Variants in NTM observed in about 807,000 individuals in gnomAD.
NTM encodes neurotrimin, also known as IgLON family member 2.
NTM carries 13 observed loss-of-function variants against 42.1 expected under a neutral mutation model. The ratio of observed to expected loss-of-function variants is 0.31; its 90% CI spans 0.20 to 0.49. The LOEUF (loss-of-function observed/expected upper bound fraction) is 0.49, where lower values mean the gene tolerates loss of function less well. Ranked by LOEUF, NTM falls within the 20% of genes least tolerant of loss-of-function variation. The pLI, the probability that NTM is intolerant of heterozygous loss-of-function variation, is 0.99. For missense variants in NTM, 373 were observed against 452.8 expected, an observed-to-expected ratio of 0.82 and a Z score of 1.60; for synonymous variants, 187 against 179.2, an observed-to-expected ratio of 1.04 and a Z score of -0.35.
chr11:132,187,549 C>T (rs1217324327), intron 3 of NTM, among the ~76,000 whole-genome samples: 1 of 152,162 alleles, frequency 6.6e-6, no homozygotes, highest in Non-Finnish European at 1.5e-5. Context: ...GGCTGAGGCT[C>T]CTCTGACAAA....
chr11:131,568,941 C>T (rs2057169638), intron 1 of NTM, among the ~76,000 whole-genome samples: 1 of 152,152 alleles, frequency 6.6e-6, no homozygotes, highest in Non-Finnish European at 1.5e-5. Flanking sequence ...ACATATCATT[C>T]ACCTGTTTGA....
chr11:131,754,100 G>A (rs1256433657), intron 1 of NTM, among the ~76,000 whole-genome samples: 1 of 141,004 alleles, frequency 7.1e-6, no homozygotes, highest in African/African-American at 2.7e-5. Flanking sequence ...CATGGACACA[G>A]GAAGGGGAAT....
rs576187269 is a variant in NTM at position 132,027,233 on chromosome 11, C to T, written c.167+115585C>T. Among the ~76,000 whole-genome samples, 12 of 152,240 alleles carry T rather than the reference C, an allele frequency of 7.9e-5. No individual in the cohort carries two copies. The South Asian group carries it at 2.1e-3, about 26-fold the overall frequency. ...TATATGAAATTTCAAGTTTCTTTGC[C>T]TTGGGCTGGAACTACAACAACTGAT... On this transcript the variant is annotated intron_variant, in intron 2 of 8. Transcript: ENST00000683400.
chr11:132,284,764 A>C, intron 4 of NTM: 1 of 152,720 alleles, frequency 6.5e-6, no homozygotes, highest in Non-Finnish European at 1.5e-5. Flanking sequence ...CTTCCCCGAC[A>C]GTGGCCTTGG....
chr11:132,284,503 CA>C (rs2094143067), intron 4 of NTM: 1 of 154,392 alleles, frequency 6.5e-6, no homozygotes, highest in African/African-American at 2.4e-5. Flanking sequence ...ACCCTGCTTC[CA>C]AATGCCCTCA....
At chr11:132,325,200 C>T (rs1399157531) in intron 7 of NTM, among the ~76,000 whole-genome samples, 1 of 151,946 alleles carries the variant, frequency 6.6e-6, no homozygotes, top group Admixed American at 6.6e-5. Flanking sequence ...AGCTTCTGCA[C>T]AGCAAAAGAA....
At chr11:131,715,429 C>T (rs1205925786) in intron 1 of NTM, among the ~76,000 whole-genome samples, 1 of 152,184 alleles carries the variant, frequency 6.6e-6, no homozygotes, top group Admixed American at 6.5e-5. Context: ...TTTCATCTGC[C>T]AATCACTGTT....
intron 2 of NTM, among the ~76,000 whole-genome samples, chr11:131,989,376 T>C (rs560767155): frequency 5.3e-5 from 8 of 152,334 alleles, no homozygotes; most frequent in Non-Finnish European, 1.2e-4. Context: ...TGTTTAATCA[T>C]GTTTGACTTA....
chr11:131,463,028 C>G (rs969805012), intron 1 of NTM, among the ~76,000 whole-genome samples: 1 of 152,168 alleles, frequency 6.6e-6, no homozygotes, highest in Admixed American at 6.5e-5. Flanking sequence ...ATCTTCTTTG[C>G]ATGCAGTGCA....
At chr11:131,417,478 G>A (rs1164236489) in intron 1 of NTM, among the ~76,000 whole-genome samples, 5 of 152,168 alleles carry the variant, frequency 3.3e-5, no homozygotes, top group Non-Finnish European at 5.9e-5. Flanking sequence ...TGAAGGCAGT[G>A]TGTAGCCCTA....
intron 1 of NTM, among the ~76,000 whole-genome samples, chr11:131,834,664 C>T (rs143179504): frequency 0.011 from 1,426 of 129,844 alleles, 23 homozygotes; most frequent in African/African-American, 0.034. Flanking sequence ...TTCACAGCAA[C>T]GCAGTGGGAT....
rs561008116 is a variant in NTM, at chr11:132,292,721, A to G, written c.527-14968A>G. On this transcript the variant is annotated intron_variant, in intron 4 of 8. Transcript: ENST00000683400. Reference sequence around the variant, plus strand: ...GGAGGGAGGCGAAGGAGTTGAGAGTATTTTCCAGGGAGAGAGAACAATGAT... The same window carrying G: ...GGAGGGAGGCGAAGGAGTTGAGAGTGTTTTCCAGGGAGAGAGAACAATGAT... Among the ~76,000 whole-genome samples, 48 of 139,938 alleles carry G rather than the reference A, an allele frequency of 3.4e-4. No individual in the cohort carries two copies. In the Middle Eastern group the frequency reaches 0.015, roughly 44 times the overall value. 91.8% of individuals were successfully genotyped at this position (139,938 alleles called of 152,430 possible). A position where few individuals can be genotyped will look rare whatever the true frequency, so the allele number is the denominator to read the frequency against.
chr11:131,530,166 C>G lies in NTM; in HGVS notation c.82+159278C>G, dbSNP rs2136659759. ...GGCACTTTAAGGCAAGGACAGTGTCCCCTTCATCTGAGACCCTCTGGTGCC... is the reference window on the plus strand; with the variant it reads ...GGCACTTTAAGGCAAGGACAGTGTCGCCTTCATCTGAGACCCTCTGGTGCC... On this transcript the variant is annotated intron_variant, in intron 1 of 8. Transcript: ENST00000683400. 2.0e-5 allele frequency among the ~76,000 whole-genome samples: 3 copies of G among 152,210 alleles called. No individual in the cohort carries two copies. In the South Asian group the frequency reaches 6.2e-4, roughly 32 times the overall value.
At chr11:131,937,896 G>A (rs999539062) in intron 2 of NTM, among the ~76,000 whole-genome samples, 1 of 152,192 alleles carries the variant, frequency 6.6e-6, no homozygotes, top group Non-Finnish European at 1.5e-5. Context: ...TAGGTTGCAC[G>A]TAGCAAGTCC....
chr11:131,705,832 A>T (rs1371271263), intron 1 of NTM, among the ~76,000 whole-genome samples: 1 of 152,088 alleles, frequency 6.6e-6, no homozygotes, highest in Non-Finnish European at 1.5e-5. Flanking sequence ...ACAAAGAAAA[A>T]ACCTGTGTGA....
chr11:132,098,127 G>A (rs1033411733), intron 2 of NTM, among the ~76,000 whole-genome samples: 1 of 152,156 alleles, frequency 6.6e-6, no homozygotes. Context: ...GGTGTTGACT[G>A]ATTTAAATTT....
At chr11:131,799,270 G>A (rs115852208) in intron 1 of NTM, among the ~76,000 whole-genome samples, 1,909 of 152,018 alleles carry the variant, frequency 0.013, 37 homozygotes, top group African/African-American at 0.043. Flanking sequence ...TGAAACTATC[G>A]CATACTAATG....
intron 1 of NTM, among the ~76,000 whole-genome samples, chr11:131,682,760 G>A (rs1048284359): frequency 6.6e-6 from 1 of 152,114 alleles, no homozygotes; most frequent in African/African-American, 2.4e-5. Context: ...AGCCATATCC[G>A]AAATCAGCTC....
At position 132,002,995 on chromosome 11, in the gene NTM, G is replaced by A. The variant is rs1468373444; in HGVS notation, c.167+91347G>A. Among the ~76,000 whole-genome samples, 1 of 152,272 alleles carries A rather than the reference G, an allele frequency of 6.6e-6. No individual in the cohort carries two copies. Among genetic ancestry groups the A allele is most frequent in the South Asian group, 2.1e-4 (1 of 4,834 alleles). On this transcript the variant is annotated intron_variant, in intron 2 of 8. Coordinates refer to ENST00000683400, the MANE Select transcript of NTM (RefSeq NM_001352005.2). The surrounding 1 kb of genome is among the most constrained non-coding windows in gnomAD (Gnocchi z 4.5). Reference sequence around the variant, plus strand: ...AAGCTTTTACTGTCCGCCTGTCAAAGTTCCTGAGCAGCAGCTGATTTCTGG... The same window carrying A: ...AAGCTTTTACTGTCCGCCTGTCAAAATTCCTGAGCAGCAGCTGATTTCTGG...
Sources: gnomAD v4.1 joint callset for allele counts (sites outside exome capture counted in the v4.1 genomes callset) on GRCh38, gnomAD v4.1.1 for gene constraint, Gnocchi (gnomAD v3.1) non-coding constraint, MANE v1.5 for transcripts, NCBI Gene and HGNC (gene_info 2026-07-23, HGNC 2026-07-21) for gene names.